Variants in TRMT11 observed in about 807,000 individuals in gnomAD.
The protein encoded by TRMT11 is tRNA (guanine(10)-N(2))-methyltransferase TRMT11.
A neutral mutation model predicts 62.8 loss-of-function variants in TRMT11; 53 were observed. That is an observed-to-expected ratio of 0.84 (90% CI 0.68 to 1.06). The LOEUF is 1.06. Ranked by LOEUF, TRMT11 falls within the 50% of genes least tolerant of loss-of-function variation. The pLI is 0.00. For synonymous variants in TRMT11, 188 were observed against 190.3 expected (o/e 0.99, Z 0.10); for missense variants, 556 against 553.4 (o/e 1.00, Z -0.05).
the TRMT11 span, among the ~76,000 whole-genome samples, chr6:126,254,569 G>C: frequency 0.23 from 35,131 of 152,070 alleles, 4,594 homozygotes; most frequent in East Asian, 0.53. Context: ...GTGTAAAATC[G>C]GTTGGCCCCA....
the TRMT11 span, among the ~76,000 whole-genome samples, chr6:126,240,653 G>A: frequency 1.1e-3 from 169 of 152,314 alleles, no homozygotes; most frequent in Admixed American, 3.0e-3. Flanking sequence ...CTGCTCAGGG[G>A]TCAGGGACCC....
At position 126,089,556 on chromosome 6, in the gene TRMT11, T is replaced by G. The variant is rs1251180897; in HGVS notation, c.*1438-23310T>G. Among the ~76,000 whole-genome samples the G allele has an allele frequency of 2.6e-5, 4 of 152,206 alleles. No homozygotes were observed. In the East Asian group the frequency reaches 7.7e-4, roughly 29 times the overall value. On this transcript the variant is annotated intron_variant and NMD_transcript_variant, in intron 17 of 22. Transcript: ENST00000648977. ...GGTTACTGAGAAACAAAGGCAGGATTCAAACTCCGGTCTGTTCAGTTGCAA... is the reference window on the plus strand; with the variant it reads ...GGTTACTGAGAAACAAAGGCAGGATGCAAACTCCGGTCTGTTCAGTTGCAA...
At chr6:126,126,528 C>G (rs913620696) in intron 21 of TRMT11, among the ~76,000 whole-genome samples, 1 of 152,046 alleles carries the variant, frequency 6.6e-6, no homozygotes, top group Admixed American at 6.6e-5. Flanking sequence ...TTGCTTCTGC[C>G]CTGTTTTCAC....
At chr6:126,149,941 T>C (rs571945217) in intron 21 of TRMT11, among the ~76,000 whole-genome samples, 1 of 152,344 alleles carries the variant, frequency 6.6e-6, no homozygotes, top group African/African-American at 2.4e-5. Flanking sequence ...TGGATGCTTT[T>C]TGTGATATAG....
chr6:126,183,248 T>C (rs1778487790), intron 1 of TRMT11, among the ~76,000 whole-genome samples: 2 of 152,152 alleles, frequency 1.3e-5, no homozygotes, highest in African/African-American at 2.4e-5. Context: ...GTTAACAAAA[T>C]GTTCAGGTCA....
At chr6:126,215,934 G>C in the TRMT11 span, among the ~76,000 whole-genome samples, 537 of 151,914 alleles carry the variant, frequency 3.5e-3, 6 homozygotes, top group Non-Finnish European at 5.9e-3. Flanking sequence ...TTCTTGTACT[G>C]TCTATGACTT....
At chr6:126,086,375 C>T (rs1364212103) in intron 17 of TRMT11, among the ~76,000 whole-genome samples, 2 of 152,118 alleles carry the variant, frequency 1.3e-5, no homozygotes, top group Non-Finnish European at 2.9e-5. Flanking sequence ...AGCTAGAAAC[C>T]GAGATAACAT....
intron 17 of TRMT11, among the ~76,000 whole-genome samples, chr6:126,109,884 A>T (rs896943881): frequency 6.6e-6 from 1 of 152,162 alleles, no homozygotes; most frequent in African/African-American, 2.4e-5. Context: ...AACTCCAGGG[A>T]ACAAACCAGA....
the TRMT11 span, among the ~76,000 whole-genome samples, chr6:126,253,151 T>C: frequency 6.6e-6 from 1 of 152,062 alleles, no homozygotes; most frequent in Non-Finnish European, 1.5e-5. Context: ...TGTACATTAT[T>C]TGGGGCCAGG....
At chr6:126,209,147 C>CA in the TRMT11 span, among the ~76,000 whole-genome samples, 1 of 151,864 alleles carries the variant, frequency 6.6e-6, no homozygotes, top group Admixed American at 6.6e-5. Flanking sequence ...TAATTTTCTG[C>CA]AAAAAGCATC....
At chr6:126,257,708 A>T in the TRMT11 span, among the ~76,000 whole-genome samples, 1 of 152,158 alleles carries the variant, frequency 6.6e-6, no homozygotes, top group African/African-American at 2.4e-5. Context: ...AGCTTTATTA[A>T]AGGTCCTGCG....
chr6:126,049,222 A>T (rs1354370536), intron 16 of TRMT11, among the ~76,000 whole-genome samples: 1 of 151,658 alleles, frequency 6.6e-6, no homozygotes, highest in East Asian at 1.9e-4. Flanking sequence ...TCTTTGTGGG[A>T]TGCATAAGTC....
chr6:126,016,137 A>G (rs1208879536), intron 11 of TRMT11, among the ~76,000 whole-genome samples: 1 of 152,114 alleles, frequency 6.6e-6, no homozygotes. Context: ...GTTGACAGCC[A>G]CTTCTGAGGT....
intron 17 of TRMT11, among the ~76,000 whole-genome samples, chr6:126,070,426 ACT>A (rs1776819609): frequency 6.6e-6 from 1 of 152,146 alleles, no homozygotes; most frequent in African/African-American, 2.4e-5. Flanking sequence ...AATAAAAATG[ACT>A]CTCAGATTTT....
chr6:126,053,701 G>T (rs1355890796), intron 17 of TRMT11, among the ~76,000 whole-genome samples: 2 of 151,912 alleles, frequency 1.3e-5, no homozygotes, highest in East Asian at 3.9e-4. Flanking sequence ...TGCATGGCGT[G>T]GTGTGTCCTC....
intron 16 of TRMT11, among the ~76,000 whole-genome samples, chr6:126,049,667 A>C (rs1417936750): frequency 6.6e-6 from 1 of 152,206 alleles, no homozygotes; most frequent in Non-Finnish European, 1.5e-5. Flanking sequence ...AAAGATAGTT[A>C]ACACAAAGTA....
intron 17 of TRMT11, among the ~76,000 whole-genome samples, chr6:126,069,445 C>T (rs535869786): frequency 6.1e-4 from 93 of 152,296 alleles, no homozygotes; most frequent in African/African-American, 2.2e-3. Context: ...GTTTCTATCT[C>T]GTTTTCTTTT....
chr6:126,162,449 G>C (rs558745532), intron 21 of TRMT11, among the ~76,000 whole-genome samples: 2 of 152,318 alleles, frequency 1.3e-5, no homozygotes, highest in South Asian at 4.1e-4. Context: ...GTACCATTCT[G>C]TTTTGGTTAC....
chr6:126,039,781 C>G (rs796203234), downstream of TRMT11, among the ~76,000 whole-genome samples: 60 of 152,132 alleles, frequency 3.9e-4, no homozygotes, highest in African/African-American at 1.3e-3. Context: ...AATGGATCCT[C>G]TCTCTCTAAC....
Sources: allele counts gnomAD v4.1 joint callset (sites outside exome capture counted in the v4.1 genomes callset), GRCh38; gene constraint gnomAD v4.1.1; transcripts MANE v1.5; gene names NCBI Gene and HGNC (gene_info 2026-07-23, HGNC 2026-07-21).